Variants in FER1L6 observed in about 807,000 individuals in gnomAD.
FER1L6 encodes fer-1-like protein 6.
Under a neutral mutation model 219.2 loss-of-function variants are expected in FER1L6, and 177 were observed. The observed-to-expected ratio is 0.81, with a 90% CI of 0.71 to 0.91. FER1L6 has a LOEUF of 0.91. Among genes scored for constraint, FER1L6 ranks in the 40% least tolerant of loss-of-function variants. The pLI is 0.00. For synonymous variants in FER1L6, 768 were observed against 824.3 expected, an observed-to-expected ratio of 0.93 and a Z score of 1.17; for missense variants, 2,153 against 2,259.9, an observed-to-expected ratio of 0.95 and a Z score of 0.96.
chr8:124,060,032 G>T, intron 22 of FER1L6, 148 bp from the exon 23 acceptor site: 1 of 622,878 alleles, frequency 1.6e-6, no homozygotes. Context: ...AATTAAATAT[G>T]GTAAAATGCA....
At chr8:123,996,855 T>C (rs74440285) in intron 12 of FER1L6, among the ~76,000 whole-genome samples, 8,173 of 152,188 alleles carry the variant, frequency 0.054, 532 homozygotes, top group African/African-American at 0.16. Flanking sequence ...TTTAAATTTA[T>C]GATAACGCTG....
intron 1 of FER1L6, among the ~76,000 whole-genome samples, chr8:123,925,503 A>G (rs139815838): frequency 6.6e-6 from 1 of 152,234 alleles, no homozygotes; most frequent in Non-Finnish European, 1.5e-5. Flanking sequence ...GGATGCTAGG[A>G]AAGGCAATTT....
chr8:123,896,546 A>T (rs1160010657), intron 1 of FER1L6, among the ~76,000 whole-genome samples: 1 of 152,188 alleles, frequency 6.6e-6, no homozygotes, highest in East Asian at 1.9e-4. Context: ...AGTGATTTGC[A>T]ACTTTTCTTT....
intron 17 of FER1L6, among the ~76,000 whole-genome samples, chr8:124,022,976 G>C (rs1273590940): frequency 6.6e-6 from 1 of 152,028 alleles, no homozygotes; most frequent in Non-Finnish European, 1.5e-5. Context: ...GCAGTGGCAT[G>C]ATCTCGGCTC....
chr8:124,037,657 T>A (rs773695256), intron 19 of FER1L6, among the ~76,000 whole-genome samples: 2 of 152,136 alleles, frequency 1.3e-5, no homozygotes, highest in Non-Finnish European at 1.5e-5. Context: ...TCTGATATGG[T>A]TGCTGTGTTC....
chr8:124,093,776 TTTATTTTTATTACTTTAA>T (rs1822155510), intron 34 of FER1L6, among the ~76,000 whole-genome samples: 1 of 151,698 alleles, frequency 6.6e-6, no homozygotes, highest in East Asian at 1.9e-4. Context: ...TTGTGGCCCC[TTTATTTTTATTACTTTAA>T]TTATTTTTAT....
intron 34 of FER1L6, among the ~76,000 whole-genome samples, chr8:124,092,207 G>T (rs1191397831): frequency 6.6e-6 from 1 of 152,032 alleles, no homozygotes; most frequent in African/African-American, 2.4e-5. Flanking sequence ...ATTCTCCTTT[G>T]TTCTTTGAAA....
At chr8:123,999,493 A>T (rs1323116734) in intron 12 of FER1L6, among the ~76,000 whole-genome samples, 1 of 152,068 alleles carries the variant, frequency 6.6e-6, no homozygotes, top group Non-Finnish European at 1.5e-5. Flanking sequence ...TAAAAATACA[A>T]AATTAGCCAG....
intron 37 of FER1L6, among the ~76,000 whole-genome samples, chr8:124,100,007 G>A (rs529983450): frequency 8.5e-5 from 13 of 152,148 alleles, no homozygotes; most frequent in Admixed American, 3.9e-4. Flanking sequence ...CTCCCCTGGC[G>A]TCAAGCTCTC....
At chr8:123,986,853 C>CTT (rs1311051660) in intron 12 of FER1L6, among the ~76,000 whole-genome samples, 2 of 152,154 alleles carry the variant, frequency 1.3e-5, no homozygotes, top group African/African-American at 4.8e-5. Flanking sequence ...GGTTCTCATT[C>CTT]TTTTTCATGG....
chr8:124,011,091 G>T (rs541774182), intron 14 of FER1L6, among the ~76,000 whole-genome samples: 1 of 152,134 alleles, frequency 6.6e-6, no homozygotes, highest in Admixed American at 6.5e-5. Context: ...CTGCCTACAA[G>T]ATCAGGCCCT....
chr8:123,898,955 G>T (rs953398880), intron 1 of FER1L6, among the ~76,000 whole-genome samples: 1 of 151,358 alleles, frequency 6.6e-6, no homozygotes, highest in Non-Finnish European at 1.5e-5. Flanking sequence ...GAATTGTGCT[G>T]CTATAAACAT....
At chr8:123,871,993 A>G (rs1303855689) in intron 1 of FER1L6, among the ~76,000 whole-genome samples, 1 of 152,194 alleles carries the variant, frequency 6.6e-6, no homozygotes, top group African/African-American at 2.4e-5. Context: ...AAAGAGGTTT[A>G]ATTGGCTGTA....
chr8:124,003,052 T>A (rs1817488050), intron 12 of FER1L6, 115 bp from the exon 13 acceptor site: 1 of 795,036 alleles, frequency 1.3e-6, no homozygotes, highest in Non-Finnish European at 2.1e-6. Flanking sequence ...TCTACCTTCA[T>A]AATGGGAGCT....
chr8:124,017,768 C>G (rs368007594), intron 16 of FER1L6, 50 bp downstream of exon 16: 2 of 1,481,490 alleles, frequency 1.3e-6, no homozygotes, highest in African/African-American at 2.8e-5. Flanking sequence ...AAATAAACCT[C>G]ACGGATGAGG....
chr8:123,992,405 T>C (rs964198414), intron 12 of FER1L6, among the ~76,000 whole-genome samples: 1 of 152,180 alleles, frequency 6.6e-6, no homozygotes. Flanking sequence ...CTCTTCAGGG[T>C]TTCTATTTCT....
intron 1 of FER1L6, among the ~76,000 whole-genome samples, chr8:123,906,175 C>T (rs772934136): frequency 3.9e-5 from 6 of 152,214 alleles, no homozygotes; most frequent in Non-Finnish European, 8.8e-5. Context: ...ATTCTCTGCT[C>T]ATTTCTTTGC....
intron 1 of FER1L6, among the ~76,000 whole-genome samples, chr8:123,870,295 A>G (rs992288185): frequency 2.6e-5 from 4 of 152,216 alleles, no homozygotes; most frequent in African/African-American, 7.2e-5. Context: ...TCATGCTTCT[A>G]GGTATTTGCA....
At position 124,071,641 on chromosome 8, in the gene FER1L6, T is replaced by C. The variant is rs761522790; in HGVS notation, c.4092+10T>C. 2.5e-6 allele frequency: 4 copies of C among 1,609,660 alleles called. No homozygotes were observed. In the Admixed American group the frequency reaches 6.7e-5, roughly 27 times the overall value. On this transcript the variant is annotated intron_variant, in intron 31 of 40. Coordinates refer to ENST00000522917, the MANE Select transcript of FER1L6 (RefSeq NM_001039112.2). ...AGTATACATTGTCGCGGTGAGCCATTCTTGTTTGCTCTGAGGGGGTGTATT... is the reference window on the plus strand; with the variant it reads ...AGTATACATTGTCGCGGTGAGCCATCCTTGTTTGCTCTGAGGGGGTGTATT...
Sources: gnomAD v4.1 joint callset for allele counts (sites outside exome capture counted in the v4.1 genomes callset) on GRCh38, gnomAD v4.1.1 for gene constraint, MANE v1.5 for transcripts, NCBI Gene and HGNC (gene_info 2026-07-23, HGNC 2026-07-21) for gene names.